The following RC3H2 variants were observed in gnomAD, a reference collection of about 807,000 sequenced individuals.
RC3H2 encodes the protein ring finger and CCCH-type domains 2.
RC3H2 carries 31 observed loss-of-function variants against 133.3 expected under a neutral mutation model. The observed-to-expected ratio is 0.23, with a 90% CI of 0.17 to 0.31. The LOEUF (loss-of-function observed/expected upper bound fraction) is 0.31, where lower values mean the gene tolerates loss of function less well. Among genes scored for constraint, RC3H2 ranks in the 10% least tolerant of loss-of-function variants. RC3H2 has a pLI of 1.00. For synonymous variants in RC3H2, 517 were observed against 502.2 expected (o/e 1.03, Z -0.40); for missense variants, 1,175 against 1,437.2 (o/e 0.82, Z 2.95).
intron 9 of RC3H2, chr9:122,875,424 AG>A: frequency 2.7e-6 from 4 of 1,463,974 alleles, no homozygotes; most frequent in Non-Finnish European, 3.6e-6. Flanking sequence ...GTTTCTGTAA[AG>A]GGTTTTTATA....
intron 3 of RC3H2, among the ~76,000 whole-genome samples, chr9:122,891,160 C>T (rs1027919427): frequency 1.4e-4 from 21 of 151,804 alleles, no homozygotes; most frequent in African/African-American, 5.1e-4. Context: ...GCTGGGATTA[C>T]AGGTGAGTGT....
rs1436803407 is a variant in RC3H2, at chr9:122,856,876, A to G, written c.2455-998T>C. On this transcript the variant is annotated intron_variant, in intron 13 of 20. Coordinates refer to ENST00000357244, the MANE Select transcript of RC3H2 (RefSeq NM_001100588.3). ...TCCTGAAGCATAATTGTATATCAAA[A>G]AAGAAAATACAAGTGGCATCTAGCA... 3.9e-5 allele frequency among the ~76,000 whole-genome samples: 6 copies of G among 152,238 alleles called. No individual in the cohort carries two copies. In the South Asian group the frequency reaches 1.2e-3, roughly 31 times the overall value.
At chr9:122,859,198 T>G in intron 11 of RC3H2, 96 bp from the exon 12 acceptor site, 1 of 990,472 alleles carries the variant, frequency 1.0e-6, no homozygotes. Flanking sequence ...TGTAGGAAAA[T>G]ATAATAAGCT....
chr9:122,859,831 A>T, intron 11 of RC3H2, 86 bp downstream of exon 11: 1 of 1,133,344 alleles, frequency 8.8e-7, no homozygotes, highest in Non-Finnish European at 1.3e-6. Context: ...TAATTTTTTT[A>T]AATGTAGACA....
intron 1 of RC3H2, among the ~76,000 whole-genome samples, chr9:122,903,013 C>G (rs1317246356): frequency 6.6e-6 from 1 of 151,906 alleles, no homozygotes; most frequent in Non-Finnish European, 1.5e-5. Context: ...GTATTTTACA[C>G]CTAAAGCACA....
Position 122,845,060 on chromosome 9 carries a change from C to T in RC3H2, c.*4567G>A, listed in dbSNP as rs1328097161. ...TCTTTAATTTCATTTACATTTCAATCGAACAATAGATTTGCAAAGAAAATG... is the reference window on the plus strand; with the variant it reads ...TCTTTAATTTCATTTACATTTCAATTGAACAATAGATTTGCAAAGAAAATG... On this transcript the variant is annotated 3_prime_UTR_variant, in exon 21 of 21. Transcript: ENST00000357244. 2 of 152,080 alleles carry T rather than the reference C, an allele frequency of 1.3e-5. No homozygotes were observed. Among genetic ancestry groups the T allele is most frequent in the African/African-American group, 2.4e-5 (1 of 41,406 alleles). The allele number at this position is 152,080 out of a possible 1,614,324, so 9.4% of individuals were successfully genotyped here. A position where few individuals can be genotyped will look rare whatever the true frequency, so the allele number is the denominator to read the frequency against.
intron 18 of RC3H2, among the ~76,000 whole-genome samples, chr9:122,853,453 A>T (rs1419755073): frequency 6.6e-6 from 1 of 152,124 alleles, no homozygotes; most frequent in Non-Finnish European, 1.5e-5. Context: ...AAATTAAAGT[A>T]AAAAATCCCA....
At chr9:122,880,194 A>G in intron 6 of RC3H2, 69 bp from the exon 7 acceptor site, 1 of 1,476,090 alleles carries the variant, frequency 6.8e-7, no homozygotes, top group African/African-American at 1.4e-5. Context: ...AATACTTTCA[A>G]TTTATCAACA....
At chr9:122,879,709 C>A in intron 8 of RC3H2, 46 bp downstream of exon 8, 1 of 1,274,980 alleles carries the variant, frequency 7.8e-7, no homozygotes, top group Non-Finnish European at 1.1e-6. Flanking sequence ...CAGGATGAAA[C>A]TGAGTTAGAG....
intron 3 of RC3H2, among the ~76,000 whole-genome samples, chr9:122,891,413 C>G (rs1388748853): frequency 6.6e-6 from 1 of 152,138 alleles, no homozygotes; most frequent in Non-Finnish European, 1.5e-5. Context: ...ACTACTTAGC[C>G]AATTGTAGAT....
At chr9:122,859,720 T>A (rs1830385777) in intron 11 of RC3H2, among the ~76,000 whole-genome samples, 197 bp downstream of exon 11, 1 of 152,216 alleles carries the variant, frequency 6.6e-6, no homozygotes, top group African/African-American at 2.4e-5. Context: ...TTCCTGACCC[T>A]ATTATATTTG....
At chr9:122,884,104 C>T (rs1831783171) in intron 4 of RC3H2, among the ~76,000 whole-genome samples, 1 of 152,080 alleles carries the variant, frequency 6.6e-6, no homozygotes, top group Admixed American at 6.6e-5. Context: ...ACCATCCTGG[C>T]TAACATGGTG....
At position 122,855,412 on chromosome 9, in the gene RC3H2, G is replaced by A; in HGVS notation, c.2602-15C>T. The stretch of plus-strand genomic sequence containing the variant: ...CTGTCCAGGTCCTATGTAAACCAAA[G>A]AAAATCAATAAAAGGACTGTTGGCA... On this transcript the variant is annotated splice_polypyrimidine_tract_variant and intron_variant, in intron 14 of 20. Coordinates refer to ENST00000357244, the MANE Select transcript of RC3H2 (RefSeq NM_001100588.3). 6 of 1,602,498 alleles carry A rather than the reference G, an allele frequency of 3.7e-6. No individual in the cohort carries two copies. Among genetic ancestry groups the A allele is most frequent in the Non-Finnish European group, 5.1e-6 (6 of 1,171,056 alleles).
At chr9:122,871,874 A>AATT (rs757470472) in intron 9 of RC3H2, among the ~76,000 whole-genome samples, 2 of 151,884 alleles carry the variant, frequency 1.3e-5, no homozygotes, top group East Asian at 1.9e-4. Context: ...CCAAGTGCCC[A>AATT]ATTATTATTA....
At chr9:122,875,536 A>G (rs2131445261) in intron 9 of RC3H2, among the ~76,000 whole-genome samples, 1 of 152,314 alleles carries the variant, frequency 6.6e-6, no homozygotes, top group East Asian at 1.9e-4. Context: ...TGGCCCACAA[A>G]GCCAAAAATG....
At chr9:122,866,058 G>A (rs984980649) in intron 9 of RC3H2, among the ~76,000 whole-genome samples, 5 of 152,144 alleles carry the variant, frequency 3.3e-5, no homozygotes, top group Non-Finnish European at 7.4e-5. Context: ...TGAGAACACA[G>A]AGTAAAGAGA....
chr9:122,877,494 G>C lies in RC3H2; in HGVS notation c.1302C>G (p.Ala434=), dbSNP rs1232496606. The C allele has an allele frequency of 1.9e-6, 3 of 1,613,826 alleles. No individual in the cohort carries two copies. Among genetic ancestry groups the C allele is most frequent in the Non-Finnish European group, 2.5e-6 (3 of 1,179,896 alleles). ...ACTTTTCAAGCTCTTCCTGAGAATG[G>C]GCAAATGTACAATTTGTTCCTCGTG... The part of the protein sequence containing the change: ...GCPRGTNCTF[A]HSQEELEKYR... Residue 434 remains alanine (A), a synonymous_variant, in exon 9 of 21, where the codon GCC becomes GCG. Coordinates refer to ENST00000357244, the MANE Select transcript of RC3H2 (RefSeq NM_001100588.3).
chr9:122,886,713 G>C, intron 4 of RC3H2, among the ~76,000 whole-genome samples: 1 of 152,198 alleles, frequency 6.6e-6, no homozygotes, highest in Non-Finnish European at 1.5e-5. Flanking sequence ...TAAAATAATG[G>C]CCAAGTGGGT....
chr9:122,867,428 C>T (rs967474886), intron 9 of RC3H2, among the ~76,000 whole-genome samples: 3 of 148,280 alleles, frequency 2.0e-5, no homozygotes, highest in African/African-American at 2.5e-5. Flanking sequence ...GCACCCCGCC[C>T]GGCCAGCCAC....
Sources: allele counts gnomAD v4.1 joint callset (sites outside exome capture counted in the v4.1 genomes callset), GRCh38; gene constraint gnomAD v4.1.1; transcripts MANE v1.5; gene names NCBI Gene and HGNC (gene_info 2026-07-23, HGNC 2026-07-21).